The following ZNF487 variants were observed in gnomAD, a reference collection of about 807,000 sequenced individuals.
The protein encoded by ZNF487 is zinc finger protein 487, also known as KRAB domain only 1.
ZNF487 carries 4 observed loss-of-function variants against 3.0 expected under a neutral mutation model. That is an observed-to-expected ratio of 1.35 (90% CI 0.66 to 3.08). The LOEUF (loss-of-function observed/expected upper bound fraction) is 3.08. Among genes scored for constraint, ZNF487 ranks in the 30% most tolerant of loss-of-function variants. ZNF487 has a pLI of 0.01. For synonymous variants in ZNF487, 55 were observed against 34.6 expected, an observed-to-expected ratio of 1.59 and a Z score of -2.06; for missense variants, 146 against 98.7, an observed-to-expected ratio of 1.48 and a Z score of -2.03.
In ZNF487 at chr10:43,482,510, T is replaced by G. The variant is rs566062173; in HGVS notation, c.*588T>G. ...ACAAAACCTATGAATGTAATGAATG[T>G]GGAAAAAACTTCTGTGAGAAGTCAA... On this transcript the variant is annotated 3_prime_UTR_variant, in exon 4 of 4. Coordinates refer to ENST00000437590, the MANE Select transcript of ZNF487 (RefSeq NM_001355444.3). 1.1e-4 allele frequency: 53 copies of G among 480,934 alleles called. No individual in the cohort carries two copies. The highest frequency in any genetic ancestry group is 7.8e-4 in the South Asian group (51 of 65,696). 29.8% of individuals were successfully genotyped at this position (480,934 alleles called of 1,614,324 possible). A position where few individuals can be genotyped will look rare whatever the true frequency, so the allele number is the denominator to read the frequency against.
chr10:43,519,714 T>C, the ZNF487 span, among the ~76,000 whole-genome samples: 1 of 152,144 alleles, frequency 6.6e-6, no homozygotes, highest in Non-Finnish European at 1.5e-5. Context: ...GATCCGCCTA[T>C]CTTGGCCTCC....
intron 1 of ZNF487, among the ~76,000 whole-genome samples, chr10:43,459,633 C>T (rs750783303): frequency 7.2e-5 from 11 of 151,958 alleles, no homozygotes; most frequent in African/African-American, 1.9e-4. Context: ...TGCAGTGTTG[C>T]GATCACAGCT....
the ZNF487 span, among the ~76,000 whole-genome samples, chr10:43,521,675 T>C: frequency 6.6e-6 from 1 of 152,110 alleles, no homozygotes; most frequent in African/African-American, 2.4e-5. Flanking sequence ...TTTTAATGAG[T>C]AGATGAATTT....
At chr10:43,449,034 C>A (rs1839912291) in intron 1 of ZNF487, among the ~76,000 whole-genome samples, 1 of 149,712 alleles carries the variant, frequency 6.7e-6, no homozygotes, top group Admixed American at 6.7e-5. Flanking sequence ...TGCAGTGGCT[C>A]AGGCCTGTAA....
At chr10:43,494,420 C>G in the ZNF487 span, among the ~76,000 whole-genome samples, 1 of 152,096 alleles carries the variant, frequency 6.6e-6, no homozygotes, top group African/African-American at 2.4e-5. Flanking sequence ...AATTGCTTGC[C>G]AACTCCTGCC....
chr10:43,441,034 A>ATTTTTTTTTTTTTTTTTTTTT (rs763451709), intron 1 of ZNF487, among the ~76,000 whole-genome samples: 4 of 44,548 alleles, frequency 9.0e-5, no homozygotes, highest in East Asian at 9.0e-4. Flanking sequence ...ACCTGGTTAA[A>ATTTTTTTTTTTTTTTTTTTTT]TTTTTTTTTT....
the ZNF487 span, among the ~76,000 whole-genome samples, chr10:43,507,807 T>C: frequency 1.9e-4 from 29 of 152,194 alleles, no homozygotes; most frequent in Middle Eastern, 3.2e-3. Context: ...AGGTGGGCCA[T>C]TGGGCCCCTG....
the ZNF487 span, among the ~76,000 whole-genome samples, chr10:43,509,226 G>C: frequency 6.6e-6 from 1 of 151,676 alleles, no homozygotes. Flanking sequence ...CTTGTATGAA[G>C]GGGTGATTAT....
At chr10:43,508,240 T>C in the ZNF487 span, among the ~76,000 whole-genome samples, 1 of 152,194 alleles carries the variant, frequency 6.6e-6, no homozygotes, top group Non-Finnish European at 1.5e-5. Context: ...GATTTGAGGC[T>C]CTCTGGAGAA....
At chr10:43,519,421 A>G in the ZNF487 span, among the ~76,000 whole-genome samples, 2 of 152,016 alleles carry the variant, frequency 1.3e-5, no homozygotes, top group African/African-American at 2.4e-5. Flanking sequence ...CTAGCCTGGC[A>G]GGATAAATCT....
At chr10:43,516,931 T>C in the ZNF487 span, among the ~76,000 whole-genome samples, 1 of 152,180 alleles carries the variant, frequency 6.6e-6, no homozygotes, top group Non-Finnish European at 1.5e-5. Context: ...AGGCTGTAGT[T>C]TTCCTTCATC....
the ZNF487 span, among the ~76,000 whole-genome samples, chr10:43,509,712 G>A: frequency 3.3e-5 from 5 of 151,888 alleles, no homozygotes; most frequent in South Asian, 2.1e-4. Context: ...TTCTAGCCTC[G>A]CTGTCAGCTG....
At chr10:43,456,769 T>G (rs1055622191) in intron 1 of ZNF487, among the ~76,000 whole-genome samples, 1 of 151,984 alleles carries the variant, frequency 6.6e-6, no homozygotes, top group Non-Finnish European at 1.5e-5. Flanking sequence ...TTAGTGAAGA[T>G]AGATTTTCAC....
At chr10:43,462,399 C>CT (rs1840463893) in intron 1 of ZNF487, among the ~76,000 whole-genome samples, 1 of 148,272 alleles carries the variant, frequency 6.7e-6, no homozygotes, top group Non-Finnish European at 1.5e-5. Context: ...TTTCTTTTTT[C>CT]TTTTTTTAAC....
At chr10:43,494,756 C>G in the ZNF487 span, among the ~76,000 whole-genome samples, 4 of 74,050 alleles carry the variant, frequency 5.4e-5, no homozygotes, top group Non-Finnish European at 9.0e-5. Context: ...CCTGTCTCTA[C>G]TAAAAATACA....
At chr10:43,484,430 A>T (rs1374933348), downstream of ZNF487, among the ~76,000 whole-genome samples, 1 of 151,448 alleles carries the variant, frequency 6.6e-6, no homozygotes, top group Non-Finnish European at 1.5e-5. Context: ...AACATGGGGA[A>T]ACCCTGTCTC....
chr10:43,440,588 G>T (rs1157790909), intron 1 of ZNF487, among the ~76,000 whole-genome samples: 3 of 151,684 alleles, frequency 2.0e-5, no homozygotes, highest in Non-Finnish European at 4.4e-5. Flanking sequence ...AATCTGGGAG[G>T]CAGAGGCAGC....
At chr10:43,455,764 T>C (rs1244316318) in intron 1 of ZNF487, among the ~76,000 whole-genome samples, 1 of 152,222 alleles carries the variant, frequency 6.6e-6, no homozygotes, top group Non-Finnish European at 1.5e-5. Context: ...GGCCGCGGCC[T>C]TGGCCCTTTG....
the ZNF487 span, among the ~76,000 whole-genome samples, chr10:43,491,752 T>A: frequency 6.6e-6 from 1 of 151,732 alleles, no homozygotes; most frequent in Non-Finnish European, 1.5e-5. Flanking sequence ...TATCTCTTAA[T>A]GTCTTATTTT....
Sources: gnomAD v4.1 joint callset for allele counts (sites outside exome capture counted in the v4.1 genomes callset) on GRCh38, gnomAD v4.1.1 for gene constraint, MANE v1.5 for transcripts, NCBI Gene and HGNC (gene_info 2026-07-23, HGNC 2026-07-21) for gene names.